Variants in PHACTR2 observed in about 807,000 individuals in gnomAD.
The protein encoded by PHACTR2 is phosphatase and actin regulator 2.
In PHACTR2, 30 loss-of-function variants were observed where a neutral mutation model predicts 76.0. That is an observed-to-expected ratio of 0.39 (90% confidence interval 0.30 to 0.54). PHACTR2 has a LOEUF of 0.54. Among genes scored for constraint, PHACTR2 ranks in the 20% least tolerant of loss-of-function variants. The pLI is 0.61. For synonymous variants in PHACTR2, 292 were observed against 292.5 expected (o/e 1.00, Z 0.02); for missense variants, 696 against 781.1 (o/e 0.89, Z 1.30).
intron 1 of PHACTR2, among the ~76,000 whole-genome samples, chr6:143,552,063 G>C (rs2128427514): frequency 6.6e-6 from 1 of 152,288 alleles, no homozygotes; most frequent in South Asian, 2.1e-4. Flanking sequence ...AGTTCACTTT[G>C]AGTAGTAGAC....
chr6:143,804,296 C>A (rs1376465664), intron 11 of PHACTR2, among the ~76,000 whole-genome samples: 2 of 152,168 alleles, frequency 1.3e-5, no homozygotes, highest in African/African-American at 4.8e-5. Context: ...TTCCCTGTAT[C>A]TTGGGTTTCT....
intron 1 of PHACTR2, among the ~76,000 whole-genome samples, chr6:143,560,761 C>A (rs146552232): frequency 2.0e-5 from 3 of 151,914 alleles, no homozygotes; most frequent in Non-Finnish European, 4.4e-5. Flanking sequence ...GGGGAGGGAG[C>A]GGAACTTGTT....
At position 143,764,914 on chromosome 6, in the gene PHACTR2, A is replaced by G. The variant is rs1314499031; in HGVS notation, c.695-347A>G. ...TGCTGATGTCTGTCCTTTACGCACCATAACATTCCTTCTTGAGAGCATACC... is the reference window on the plus strand; with the variant it reads ...TGCTGATGTCTGTCCTTTACGCACCGTAACATTCCTTCTTGAGAGCATACC... On this transcript the variant is annotated intron_variant, in intron 5 of 12. Coordinates refer to ENST00000440869, the MANE Select transcript of PHACTR2 (RefSeq NM_001100164.2). This position sits in a 1 kb window ranked among gnomAD's most constrained non-coding sequence, Gnocchi z 4.7. Among the ~76,000 whole-genome samples, 1 of 152,200 alleles carries G rather than the reference A, an allele frequency of 6.6e-6. No homozygotes were observed. The highest frequency in any genetic ancestry group is 1.5e-5 in the Non-Finnish European group (1 of 68,036).
intron 2 of PHACTR2, among the ~76,000 whole-genome samples, chr6:143,740,987 G>T (rs1216154081): frequency 6.6e-6 from 1 of 152,228 alleles, no homozygotes; most frequent in Non-Finnish European, 1.5e-5. Flanking sequence ...AGTGGCTCAC[G>T]CCTGTCATCC....
rs73778660 is a variant in PHACTR2, at chr6:143,680,675, A to G, written c.46+2466A>G. ...TGTATTGATGTATAATTCACATACTATAAAATTCACCCATGGAAAGTGTAC... is the reference window on the plus strand; with the variant it reads ...TGTATTGATGTATAATTCACATACTGTAAAATTCACCCATGGAAAGTGTAC... On this transcript the variant is annotated intron_variant, in intron 1 of 12. Transcript: ENST00000440869. This position sits in a 1 kb window ranked among gnomAD's most constrained non-coding sequence, Gnocchi z 4.5. Among the ~76,000 whole-genome samples the G allele has an allele frequency of 0.018, 2,796 of 152,304 alleles. 85 individuals are homozygous for G. The highest frequency in any genetic ancestry group is 0.062 in the African/African-American group (2,572 of 41,568).
upstream of PHACTR2, among the ~76,000 whole-genome samples, chr6:143,676,611 T>A (rs1201044243): frequency 1.3e-5 from 2 of 152,202 alleles, no homozygotes; most frequent in African/African-American, 4.8e-5. This position sits in a 1 kb window ranked among gnomAD's most constrained non-coding sequence, Gnocchi z 4.8. Context: ...TATAATTGCT[T>A]ACTCTCATCG....
chr6:143,692,161 A>G (rs926637624), intron 1 of PHACTR2, among the ~76,000 whole-genome samples: 2 of 152,168 alleles, frequency 1.3e-5, no homozygotes, highest in African/African-American at 4.8e-5. Context: ...TCCTTCTTGT[A>G]TAAAGATGTT....
At chr6:143,568,394 A>G (rs768363461) in intron 1 of PHACTR2, among the ~76,000 whole-genome samples, 3 of 152,366 alleles carry the variant, frequency 2.0e-5, no homozygotes, top group African/African-American at 4.8e-5. Flanking sequence ...TAGAGGCAGT[A>G]AGCAAAGCTG....
At position 143,539,675 on chromosome 6, in the gene PHACTR2, G is replaced by C. The variant is rs539779485; in HGVS notation, c.217+2468G>C. Among the ~76,000 whole-genome samples, 1 of 152,286 alleles carries C rather than the reference G, an allele frequency of 6.6e-6. No homozygotes were observed. Among genetic ancestry groups the C allele is most frequent in the Non-Finnish European group, 1.5e-5 (1 of 68,026 alleles). On this transcript the variant is annotated intron_variant, in intron 1 of 11. Transcript: ENST00000367584. The surrounding 1 kb of genome is among the most constrained non-coding windows in gnomAD (Gnocchi z 4.3). ...CACACAGAGGCAGCACCTAGAGCAA[G>C]GTCATGTGTGGCTTGCCAAAACAGC...
At chr6:143,756,979 G>A (rs1229303745) in intron 4 of PHACTR2, among the ~76,000 whole-genome samples, 2 of 151,972 alleles carry the variant, frequency 1.3e-5, no homozygotes, top group East Asian at 3.9e-4. Flanking sequence ...CCTGGGAGGT[G>A]GAGGTTGTAG....
intron 1 of PHACTR2, among the ~76,000 whole-genome samples, chr6:143,622,894 T>G (rs1041294260): frequency 1.3e-5 from 2 of 152,184 alleles, no homozygotes; most frequent in Non-Finnish European, 2.9e-5. Flanking sequence ...TTTAAAAAAA[T>G]GTTCTCAAGG....
At chr6:143,682,945 A>G (rs972971656) in intron 1 of PHACTR2, among the ~76,000 whole-genome samples, 10 of 152,282 alleles carry the variant, frequency 6.6e-5, no homozygotes, top group Non-Finnish European at 1.0e-4. Flanking sequence ...TGAGGTGATC[A>G]TATGGTTTTT....
In PHACTR2 at chr6:143,679,022, T is replaced by C. The variant is rs146918434; in HGVS notation, c.46+813T>C. Among the ~76,000 whole-genome samples, 208 of 152,342 alleles carry C rather than the reference T, an allele frequency of 1.4e-3. 1 individual carries two copies. The highest frequency in any genetic ancestry group is 4.9e-3 in the African/African-American group (203 of 41,572). On this transcript the variant is annotated intron_variant, in intron 1 of 12. Transcript: ENST00000440869. The surrounding 1 kb of genome is among the most constrained non-coding windows in gnomAD (Gnocchi z 4.6). ...TTAAAAGGTACTATTTTGATATTTT[T>C]CCATCAACGATTAAAAATAAATAAT...
rs34900068 is a variant in PHACTR2 at position 143,659,023 on chromosome 6, CAAA to C, written c.13+50714_13+50716del. 4.5e-5 allele frequency among the ~76,000 whole-genome samples: 6 copies of C among 133,724 alleles called. No individual in the cohort carries two copies. The highest frequency in any genetic ancestry group is 4.8e-5 in the Non-Finnish European group (3 of 62,078). 87.7% of individuals were successfully genotyped at this position (133,724 alleles called of 152,430 possible). A position where few individuals can be genotyped will look rare whatever the true frequency, so the allele number is the denominator to read the frequency against. The stretch of plus-strand genomic sequence containing the variant: ...TGGGCAACAAAGCAAGATTCTGTCT[CAAA>C]AAAAAAAAAAAAGATAAAAAATGGC... On this transcript the variant is annotated intron_variant, in intron 1 of 11. Transcript: ENST00000305766. This position sits in a 1 kb window ranked among gnomAD's most constrained non-coding sequence, Gnocchi z 5.0.
At chr6:143,643,988 C>A (rs1379280174) in intron 1 of PHACTR2, among the ~76,000 whole-genome samples, 1 of 152,076 alleles carries the variant, frequency 6.6e-6, no homozygotes, top group Non-Finnish European at 1.5e-5. Context: ...CTGCCTACCC[C>A]CAGGGTTTTT....
chr6:143,548,016 C>G lies in PHACTR2; in HGVS notation c.217+10809C>G, dbSNP rs553789126. ...TCTATCTTATTTTGGCCTACTATAA[C>G]AAACTGTCATAGACTGGTTGGCTTA... On this transcript the variant is annotated intron_variant, in intron 1 of 11. Transcript: ENST00000367584. The surrounding 1 kb of genome is among the most constrained non-coding windows in gnomAD (Gnocchi z 4.5). 6.6e-6 allele frequency among the ~76,000 whole-genome samples: 1 copy of G among 152,148 alleles called. No individual in the cohort carries two copies. Among genetic ancestry groups the G allele is most frequent in the African/African-American group, 2.4e-5 (1 of 41,424 alleles).
intron 1 of PHACTR2, among the ~76,000 whole-genome samples, chr6:143,603,003 G>C (rs1398707011): frequency 6.6e-6 from 1 of 152,010 alleles, no homozygotes; most frequent in African/African-American, 2.4e-5. Context: ...AAACTAGCCA[G>C]ACATGGTGGT....
intron 11 of PHACTR2, among the ~76,000 whole-genome samples, chr6:143,798,810 G>A (rs1337356838): frequency 6.6e-6 from 1 of 152,152 alleles, no homozygotes; most frequent in Non-Finnish European, 1.5e-5. Context: ...GAGGATTTTT[G>A]CACTGATGTT....
upstream of PHACTR2, among the ~76,000 whole-genome samples, chr6:143,603,729 C>A (rs1775838345): frequency 3.3e-5 from 5 of 152,162 alleles, no homozygotes; most frequent in Admixed American, 3.3e-4. Flanking sequence ...CCTTGGAGAG[C>A]TATATATCCA....
Sources: gnomAD v4.1 joint callset for allele counts (sites outside exome capture counted in the v4.1 genomes callset) on GRCh38, gnomAD v4.1.1 for gene constraint, Gnocchi (gnomAD v3.1) non-coding constraint, MANE v1.5 for transcripts, NCBI Gene and HGNC (gene_info 2026-07-23, HGNC 2026-07-21) for gene names.